SLC15A1: variants seen among roughly 807,000 people sequenced by gnomAD.
The protein encoded by SLC15A1 is Caco-2 oligopeptide transporter.
Under a neutral mutation model 92.9 loss-of-function variants are expected in SLC15A1, and 83 were observed. That is an observed-to-expected ratio of 0.89 (90% confidence interval 0.75 to 1.07). SLC15A1 has a LOEUF of 1.07. SLC15A1 is among the 50% of genes least tolerant of loss of function. SLC15A1 has a pLI of 0.00. For synonymous variants in SLC15A1, 322 were observed against 318.2 expected (o/e 1.01, Z -0.13); for missense variants, 857 against 880.1 (o/e 0.97, Z 0.33).
intron 5 of SLC15A1, among the ~76,000 whole-genome samples, chr13:98,722,165 G>C (rs1337627229): frequency 1.3e-5 from 2 of 152,188 alleles, no homozygotes; most frequent in Non-Finnish European, 2.9e-5. Context: ...CAAAGCCTTA[G>C]GTTTGGGGTT....
In SLC15A1 at chr13:98,684,732, G is replaced by A; in HGVS notation, c.2119C>T (p.Gln707Ter). The change falls in exon 23 of 23, where the codon CAG (glutamine) becomes TAG (stop). Residue 707 changes from glutamine (Q) to a stop codon, truncating the protein, a stop_gained. Coordinates refer to ENST00000376503, the MANE Select transcript of SLC15A1 (RefSeq NM_005073.4). LOFTEE classifies it high-confidence loss of function. ...YFMSGANSQK[Q>*]M Reference sequence around the variant, plus strand: ...CACTTGCCTCCTGACCTTCACATCTGTTTCTGTGAATTGGCCCCTGACATG... The same window carrying A: ...CACTTGCCTCCTGACCTTCACATCTATTTCTGTGAATTGGCCCCTGACATG... 3 of 1,613,860 alleles carry A rather than the reference G, an allele frequency of 1.9e-6. No homozygotes were observed. The highest frequency in any genetic ancestry group is 2.2e-5 in the South Asian group (2 of 91,066).
chr13:98,699,638 G>A (rs1005053448), intron 18 of SLC15A1, among the ~76,000 whole-genome samples: 2 of 152,188 alleles, frequency 1.3e-5, no homozygotes, highest in African/African-American at 4.8e-5. Flanking sequence ...ATATCTAGGA[G>A]TGGGATGGCT....
rs2088075018 is a variant in SLC15A1 at position 98,702,398 on chromosome 13, T to C, written c.1466+82A>G. 6.3e-5 allele frequency: 59 copies of C among 937,130 alleles called. 1 individual carries two copies. In the South Asian group the frequency reaches 7.2e-4, roughly 11 times the overall value. The allele number at this position is 937,130 out of a possible 1,614,324, so 58.1% of individuals were successfully genotyped here. ...ACCCTATAATCTCATTTTATATCCT[T>C]GTTACATTTGGACTTTACTATGGGT... On this transcript the variant is annotated intron_variant, in intron 18 of 22. Transcript: ENST00000376503.
At chr13:98,702,642 T>C in intron 17 of SLC15A1, 113 bp from the exon 18 acceptor site, 3 of 860,610 alleles carry the variant, frequency 3.5e-6, no homozygotes, top group Non-Finnish European at 5.7e-6. Flanking sequence ...TCCTAGGACC[T>C]AAGGACATGG....
rs181713282 is a variant in SLC15A1, at chr13:98,752,090, G to A, written c.4+505C>T. The stretch of plus-strand genomic sequence containing the variant: ...AGGCACAGAAGGTGCCTCAAATTAA[G>A]CCAGGGGACAGTGCAGAGGGTTAAG... On this transcript the variant is annotated intron_variant, in intron 1 of 22. Coordinates refer to ENST00000376503, the MANE Select transcript of SLC15A1 (RefSeq NM_005073.4). Among the ~76,000 whole-genome samples, 30 of 152,344 alleles carry A rather than the reference G, an allele frequency of 2.0e-4. No individual in the cohort carries two copies. In the East Asian group the frequency reaches 5.4e-3, roughly 27 times the overall value.
At chr13:98,722,547 A>T (rs1241633310) in intron 5 of SLC15A1, among the ~76,000 whole-genome samples, 1 of 152,206 alleles carries the variant, frequency 6.6e-6, no homozygotes, top group East Asian at 1.9e-4. Flanking sequence ...ACAGGTAGGT[A>T]CTACAAATTT....
chr13:98,697,997 C>T (rs2088036971), intron 18 of SLC15A1, among the ~76,000 whole-genome samples: 3 of 152,004 alleles, frequency 2.0e-5, no homozygotes, highest in Admixed American at 2.0e-4. Context: ...AAGCTGGTAA[C>T]CTTGGAGACT....
rs189904595 is a variant in SLC15A1 at position 98,728,756 on chromosome 13, G to A, written c.5-1897C>T. Among the ~76,000 whole-genome samples, 86 of 151,914 alleles carry A rather than the reference G, an allele frequency of 5.7e-4. 1 individual carries two copies. The highest frequency in any genetic ancestry group is 1.8e-3 in the Admixed American group (28 of 15,260). ...AGCACTTTGGGAGGCTGAGGTAGGC[G>A]GATCGCTTCAGGTCAGGAGTTCAAG... On this transcript the variant is annotated intron_variant, in intron 1 of 22. Transcript: ENST00000376503.
chr13:98,728,967 T>C (rs113143997), intron 1 of SLC15A1, among the ~76,000 whole-genome samples: 38 of 65,884 alleles, frequency 5.8e-4, no homozygotes, highest in African/African-American at 2.6e-3. Flanking sequence ...GGCCACAGAG[T>C]AAGGCTCTGT....
Position 98,751,277 on chromosome 13 carries a change from A to G in SLC15A1, c.4+1318T>C, listed in dbSNP as rs546719620. ...GTTGCAGACTAGAACGCATCAATTCATTTGGAAAGGAGGCTTCAAATCTAA... is the reference window on the plus strand; with the variant it reads ...GTTGCAGACTAGAACGCATCAATTCGTTTGGAAAGGAGGCTTCAAATCTAA... On this transcript the variant is annotated intron_variant, in intron 1 of 22. Coordinates refer to ENST00000376503, the MANE Select transcript of SLC15A1 (RefSeq NM_005073.4). 1.6e-4 allele frequency among the ~76,000 whole-genome samples: 24 copies of G among 152,364 alleles called. No homozygotes were observed. In the South Asian group the frequency reaches 4.6e-3, roughly 29 times the overall value.
At chr13:98,721,236 C>G (rs1184102083) in intron 7 of SLC15A1, 1 of 618,944 alleles carries the variant, frequency 1.6e-6, no homozygotes, top group Non-Finnish European at 3.1e-6. Context: ...GCATGAATAA[C>G]AGTTTAGGAA....
At position 98,684,935 on chromosome 13, in the gene SLC15A1, G is replaced by A; in HGVS notation, c.1936-20C>T. On this transcript the variant is annotated intron_variant, in intron 22 of 22. Transcript: ENST00000376503. ...GGCCCACTTTGAAGAAATCAGAGTT[G>A]GAGCAGGAAAAAGAACAAAAATAAA... The A allele has an allele frequency of 1.9e-6, 3 of 1,596,478 alleles. No individual in the cohort carries two copies. The highest frequency in any genetic ancestry group is 2.6e-6 in the Non-Finnish European group (3 of 1,169,910).
At chr13:98,709,052 C>A in intron 14 of SLC15A1, among the ~76,000 whole-genome samples, 1 of 150,682 alleles carries the variant, frequency 6.6e-6, no homozygotes, top group East Asian at 2.0e-4. Context: ...ACTGCAACCT[C>A]TGCCTCCTAG....
intron 7 of SLC15A1, chr13:98,720,623 C>G (rs73567991): frequency 0.013 from 2,163 of 162,670 alleles, 48 homozygotes; most frequent in African/African-American, 0.048. Flanking sequence ...ATATTCCCTT[C>G]CACATGGGAA....
Position 98,723,943 on chromosome 13 carries a change from CA to C in SLC15A1, c.333del (p.His111GlnfsTer16). On this transcript the variant is annotated frameshift_variant, in exon 5 of 23. Transcript: ENST00000376503. LOFTEE classifies it high-confidence loss of function. Reference sequence around the variant, plus strand: ...ACAGGAAGGCTGTCGGGGGTGCCATCATGGTTGTGGTCTGTGAGGTCATTAA... The same window carrying C: ...ACAGGAAGGCTGTCGGGGGTGCCATCTGGTTGTGGTCTGTGAGGTCATTAA... ...SSINDLTDHN[H>X]DGTPDSLPVH... 6.2e-7 allele frequency: 1 copy of C among 1,614,168 alleles called. No homozygotes were observed. The highest frequency in any genetic ancestry group is 8.5e-7 in the Non-Finnish European group (1 of 1,180,020).
chr13:98,698,583 A>G (rs914320203), intron 18 of SLC15A1, among the ~76,000 whole-genome samples: 1 of 152,142 alleles, frequency 6.6e-6, no homozygotes, highest in East Asian at 1.9e-4. Context: ...CTGGGATTAC[A>G]GGCACATGCA....
chr13:98,726,096 G>T (rs1467737823), intron 4 of SLC15A1, 27 bp downstream of exon 4: 7 of 1,608,766 alleles, frequency 4.4e-6, no homozygotes, highest in South Asian at 2.2e-5. Flanking sequence ...TCGCTTGTTT[G>T]TGAACAAGAA....
intron 18 of SLC15A1, among the ~76,000 whole-genome samples, chr13:98,695,773 C>G (rs2088016371): frequency 6.6e-6 from 1 of 152,160 alleles, no homozygotes; most frequent in Non-Finnish European, 1.5e-5. Context: ...TTGCAGCTTA[C>G]TGATACCACA....
At chr13:98,689,100 C>T (rs1347385758) in intron 18 of SLC15A1, among the ~76,000 whole-genome samples, 5 of 152,152 alleles carry the variant, frequency 3.3e-5, no homozygotes, top group African/African-American at 7.2e-5. Context: ...CCACCACACC[C>T]GGCTCATTTT....
Sources: allele counts gnomAD v4.1 joint callset (sites outside exome capture counted in the v4.1 genomes callset), GRCh38; gene constraint gnomAD v4.1.1; transcripts MANE v1.5; gene names NCBI Gene and HGNC (gene_info 2026-07-23, HGNC 2026-07-21).